Variants in DAPK2 observed in about 807,000 individuals in gnomAD.
The protein encoded by DAPK2 is death associated protein kinase 2.
DAPK2 carries 35 observed loss-of-function variants against 44.1 expected under a neutral mutation model. That is an observed-to-expected ratio of 0.79 (90% confidence interval 0.61 to 1.05). The LOEUF (loss-of-function observed/expected upper bound fraction) is 1.05, where lower values mean the gene tolerates loss of function less well. DAPK2 is among the 50% of genes least tolerant of loss of function. The probability of loss-of-function intolerance (pLI) is 0.00; values close to 1 mark genes in which losing one functional copy is unlikely to be tolerated. For synonymous variants in DAPK2, 174 were observed against 182.6 expected, an observed-to-expected ratio of 0.95 and a Z score of 0.38; for missense variants, 453 against 483.2, an observed-to-expected ratio of 0.94 and a Z score of 0.59.
intron 1 of DAPK2, among the ~76,000 whole-genome samples, chr15:64,022,359 CT>C (rs1004380242): frequency 6.6e-6 from 1 of 152,288 alleles, no homozygotes; most frequent in African/African-American, 2.4e-5. Flanking sequence ...GTTTCCTAGA[CT>C]TTTTTCTGAG....
At chr15:63,943,252 T>C (rs1203448596) in intron 3 of DAPK2, among the ~76,000 whole-genome samples, 3 of 151,474 alleles carry the variant, frequency 2.0e-5, no homozygotes, top group African/African-American at 4.9e-5. Context: ...GGAGAAACCC[T>C]GTCTCTACAA....
At chr15:64,019,422 G>A (rs905627582) in intron 1 of DAPK2, among the ~76,000 whole-genome samples, 12 of 152,106 alleles carry the variant, frequency 7.9e-5, no homozygotes, top group African/African-American at 2.7e-4. Flanking sequence ...TGATAACTAC[G>A]GTACTACCCA....
At chr15:63,929,714 A>T (rs1447794651) in intron 5 of DAPK2, 137 bp from the exon 7 acceptor site, 2 of 956,570 alleles carry the variant, frequency 2.1e-6, no homozygotes, top group Non-Finnish European at 3.3e-6. Context: ...CATGCTCCAC[A>T]CCCATCTCCA....
At chr15:64,012,093 C>T (rs2079403940) in intron 1 of DAPK2, among the ~76,000 whole-genome samples, 2 of 152,328 alleles carry the variant, frequency 1.3e-5, no homozygotes, top group South Asian at 2.1e-4. Flanking sequence ...CACTGCAAAG[C>T]TGTACCATAA....
At chr15:63,945,886 T>C (rs1323760360) in intron 3 of DAPK2, among the ~76,000 whole-genome samples, 3 of 152,130 alleles carry the variant, frequency 2.0e-5, no homozygotes, top group Non-Finnish European at 2.9e-5. Flanking sequence ...TGGCCCCAGG[T>C]CAGGAAGAAC....
intron 6 of DAPK2, among the ~76,000 whole-genome samples, chr15:63,927,524 C>CA (rs2079330188): frequency 6.6e-6 from 1 of 152,300 alleles, no homozygotes; most frequent in African/African-American, 2.4e-5. Flanking sequence ...CTCAAAGAGG[C>CA]ATGTTCATTC....
At chr15:63,991,074 C>CT (rs2078803938) in intron 1 of DAPK2, among the ~76,000 whole-genome samples, 2 of 152,198 alleles carry the variant, frequency 1.3e-5, no homozygotes, top group African/African-American at 4.8e-5. Flanking sequence ...GCAGAAAACA[C>CT]TTGGGGACAC....
intron 8 of DAPK2, among the ~76,000 whole-genome samples, chr15:63,914,089 C>T (rs1321974831): frequency 1.3e-5 from 2 of 152,212 alleles, no homozygotes; most frequent in Non-Finnish European, 2.9e-5. Context: ...AATCCCAGGA[C>T]CTGGGACCTA....
In DAPK2 at chr15:63,980,843, G is replaced by T. The variant is rs181331821; in HGVS notation, c.314+2690C>A. Among the ~76,000 whole-genome samples, 47 of 152,236 alleles carry T rather than the reference G, an allele frequency of 3.1e-4. No individual in the cohort carries two copies. In the East Asian group the frequency reaches 7.3e-3, roughly 24 times the overall value. ...GGTGGCTCACGCCTGTAATCCCAACGCTTTGGGAGGCCAAGGCAGGCGGAT... is the reference window on the plus strand; with the variant it reads ...GGTGGCTCACGCCTGTAATCCCAACTCTTTGGGAGGCCAAGGCAGGCGGAT... On this transcript the variant is annotated intron_variant, in intron 2 of 10. Transcript: ENST00000261891. The surrounding 1 kb of genome is among the most constrained non-coding windows in gnomAD (Gnocchi z 4.3).
At chr15:63,992,645 C>A (rs1313403794) in intron 1 of DAPK2, among the ~76,000 whole-genome samples, 3 of 152,202 alleles carry the variant, frequency 2.0e-5, no homozygotes, top group Non-Finnish European at 4.4e-5. Flanking sequence ...TTCACTCCCT[C>A]CCTATCAGGT....
At chr15:64,041,053 A>C (rs1224203543), upstream of DAPK2, among the ~76,000 whole-genome samples, 1 of 152,188 alleles carries the variant, frequency 6.6e-6, no homozygotes, top group Non-Finnish European at 1.5e-5. Context: ...TCAAGTCATG[A>C]AATTATTTTG....
intron 3 of DAPK2, among the ~76,000 whole-genome samples, chr15:63,955,973 A>C (rs2077711213): frequency 6.6e-6 from 1 of 152,112 alleles, no homozygotes; most frequent in Admixed American, 6.5e-5. Flanking sequence ...TGATCTTCTT[A>C]CTTGTTATTG....
At position 64,020,271 on chromosome 15, in the gene DAPK2, G is replaced by A. The variant is rs1396830908; in HGVS notation, c.92+19899C>T. Among the ~76,000 whole-genome samples, 1 of 152,134 alleles carries A rather than the reference G, an allele frequency of 6.6e-6. No homozygotes were observed. The highest frequency in any genetic ancestry group is 2.4e-5 in the African/African-American group (1 of 41,428). ...AAGCCAGGACCCCTTTCTCTCCCAC[G>A]CCAGCACACTCTTATTGCACTACCT... On this transcript the variant is annotated intron_variant, in intron 1 of 10. Transcript: ENST00000261891. This position sits in a 1 kb window ranked among gnomAD's most constrained non-coding sequence, Gnocchi z 4.5.
intron 1 of DAPK2, among the ~76,000 whole-genome samples, chr15:64,032,379 A>T (rs1403725909): frequency 6.6e-6 from 1 of 152,308 alleles, no homozygotes; most frequent in East Asian, 1.9e-4. Context: ...TAAGTCATAT[A>T]CGTTTTGTGG....
At chr15:64,034,673 A>C (rs2080127153) in intron 1 of DAPK2, among the ~76,000 whole-genome samples, 1 of 151,988 alleles carries the variant, frequency 6.6e-6, no homozygotes, top group Non-Finnish European at 1.5e-5. Flanking sequence ...TGTTTGTTTA[A>C]ACCAGCACGG....
chr15:63,924,707 G>T, intron 8 of DAPK2, 109 bp downstream of exon 9: 1 of 1,262,208 alleles, frequency 7.9e-7, no homozygotes, highest in Non-Finnish European at 1.1e-6. Context: ...CAGGGTCAGT[G>T]TTTAAAGCAA....
At chr15:63,920,998 G>A (rs1027289501) in intron 8 of DAPK2, 3 of 152,252 alleles carry the variant, frequency 2.0e-5, no homozygotes, top group Admixed American at 6.5e-5. Flanking sequence ...AGACCCTGAC[G>A]GCAGGCCCCT....
intron 1 of DAPK2, among the ~76,000 whole-genome samples, chr15:64,031,079 C>T (rs2080001284): frequency 6.6e-6 from 1 of 151,710 alleles, no homozygotes; most frequent in African/African-American, 2.4e-5. Flanking sequence ...AGGATGGAAT[C>T]CTGACTGCCT....
At chr15:63,973,889 G>A (rs1425178514) in intron 2 of DAPK2, among the ~76,000 whole-genome samples, 1 of 152,042 alleles carries the variant, frequency 6.6e-6, no homozygotes, top group African/African-American at 2.4e-5. Context: ...CTCCAGGCAG[G>A]CCCTGGTTTC....
Sources: allele counts gnomAD v4.1 joint callset (sites outside exome capture counted in the v4.1 genomes callset), GRCh38; gene constraint gnomAD v4.1.1; non-coding constraint Gnocchi (gnomAD v3.1); transcripts MANE v1.5; gene names NCBI Gene and HGNC (gene_info 2026-07-23, HGNC 2026-07-21).